The following TAF1 variants were observed in gnomAD, a reference collection of about 807,000 sequenced individuals.
TAF1 encodes the protein transcription initiation factor TFIID subunit 1.
Under a neutral mutation model 138.5 loss-of-function variants are expected in TAF1, and 2 were observed. The observed-to-expected ratio is 0.01, with a 90% CI of 0.01 to 0.05. The LOEUF (loss-of-function observed/expected upper bound fraction) is 0.05. TAF1 is among the 10% of genes least tolerant of loss of function. The pLI, the probability that TAF1 is intolerant of heterozygous loss-of-function variation, is 1.00. For synonymous variants in TAF1, 437 were observed against 503.2 expected (o/e 0.87, Z 1.76); for missense variants, 709 against 1,478.0 (o/e 0.48, Z 8.53).
chrX:71,423,061 A>T lies in TAF1; in HGVS notation c.4453-56A>T, dbSNP rs757802625. ...CCGGCAAATTGTCCTTAACTTTTCT[A>T]TGGTGATCACACCTTAGGGAAACCT... On this transcript the variant is annotated intron_variant, in intron 29 of 37. Transcript: ENST00000423759. The T allele has an allele frequency of 1.8e-5, 21 of 1,199,837 alleles. No individual in the cohort carries two copies. The East Asian group carries it at 6.0e-4, about 34-fold the overall frequency.
At chrX:71,488,467 A>T (rs1171774918) in intron 13 of TAF1, among the ~76,000 whole-genome samples, 1 of 106,230 alleles carries the variant, frequency 9.4e-6, no homozygotes, top group Non-Finnish European at 1.9e-5. Context: ...CTGGTCTCGA[A>T]CTCCTGACCT....
At chrX:71,502,144 T>C (rs2039521202) in intron 13 of TAF1, among the ~76,000 whole-genome samples, 1 of 111,803 alleles carries the variant, frequency 8.9e-6, no homozygotes, top group South Asian at 3.8e-4. Flanking sequence ...ATCCCCTTAT[T>C]TGTCCCTGCC....
chrX:71,435,591 A>T (rs1602664024), intron 32 of TAF1, among the ~76,000 whole-genome samples: 2 of 111,964 alleles, frequency 1.8e-5, no homozygotes, highest in Admixed American at 1.9e-4. Flanking sequence ...TCTTACAAGG[A>T]TCATACAATC....
intron 21 of TAF1, 127 bp downstream of exon 21, chrX:71,393,603 A>C (rs1478175965): frequency 1.1e-6 from 1 of 923,776 alleles, no homozygotes. Context: ...CTGACATGTC[A>C]GGGTAGTATA....
intron 13 of TAF1, chrX:71,492,009 C>T (rs944202717): frequency 3.5e-5 from 4 of 112,806 alleles, no homozygotes; most frequent in African/African-American, 1.3e-4. Context: ...CTTCCTGCAC[C>T]TCAGCAAAGG....
chrX:71,451,523 C>T (rs377568712), intron 32 of TAF1, among the ~76,000 whole-genome samples: 36 of 94,154 alleles, frequency 3.8e-4, no homozygotes, highest in East Asian at 2.6e-3. Flanking sequence ...GGGTGTTTCT[C>T]GTAGAGGGGG....
chrX:71,410,454 C>CTTT (rs57027102), intron 28 of TAF1, among the ~76,000 whole-genome samples: 50 of 70,609 alleles, frequency 7.1e-4, no homozygotes, highest in African/African-American at 1.2e-3. Context: ...TTTCTTTTTT[C>CTTT]TTTTTTTTTT....
chrX:71,466,669 C>T (rs1378708243), downstream of TAF1, among the ~76,000 whole-genome samples: 1 of 111,486 alleles, frequency 9.0e-6, no homozygotes, highest in Non-Finnish European at 1.9e-5. Flanking sequence ...TGAGCCACCG[C>T]GCCCAGCCAA....
intron 22 of TAF1, 86 bp downstream of exon 22, chrX:71,394,331 T>A: frequency 7.5e-3 from 5,058 of 673,323 alleles, no homozygotes; most frequent in Non-Finnish European, 0.01. Flanking sequence ...TTGAGGGAGA[T>A]CTGGAGGCAG....
At chrX:71,419,018 C>T (rs1159112391) in intron 28 of TAF1, among the ~76,000 whole-genome samples, 3 of 111,170 alleles carry the variant, frequency 2.7e-5, no homozygotes, top group Non-Finnish European at 3.8e-5. Context: ...CCGCCTGCCT[C>T]GGCCTCCCAA....
chrX:71,443,380 G>C (rs758130099), intron 32 of TAF1, among the ~76,000 whole-genome samples: 32 of 111,430 alleles, frequency 2.9e-4, no homozygotes, highest in South Asian at 1.5e-3. Context: ...CCTTCACATC[G>C]CTTGTAAGTT....
chrX:71,375,382 T>C (rs946416152), intron 4 of TAF1, 96 bp downstream of exon 4: 3 of 1,032,250 alleles, frequency 2.9e-6, no homozygotes, highest in Non-Finnish European at 2.5e-6. Flanking sequence ...TAAGCTTATA[T>C]GAAGGGACAA....
chrX:71,420,186 TTGG>T (rs1277623097), intron 28 of TAF1: 3 of 557,784 alleles, frequency 5.4e-6, no homozygotes, highest in Non-Finnish European at 9.4e-6. Flanking sequence ...ACTGCTGTAG[TTGG>T]TGGTCCGGGC....
At chrX:71,367,432 A>G in intron 1 of TAF1, 67 bp from the exon 2 acceptor site, 1 of 1,142,118 alleles carries the variant, frequency 8.8e-7, no homozygotes, top group Non-Finnish European at 1.2e-6. Context: ...GACCAGGGAA[A>G]TAAGTCCTGT....
chrX:71,530,133 A>G (rs2040075707), exon 15 of TAF1: 1 of 147,085 alleles, frequency 6.8e-6, no homozygotes, highest in African/African-American at 3.2e-5. Flanking sequence ...CACATTCACT[A>G]GTTAGTGATG....
chrX:71,493,264 C>T (rs2039332225), intron 13 of TAF1, among the ~76,000 whole-genome samples: 1 of 111,719 alleles, frequency 9.0e-6, no homozygotes, highest in Non-Finnish European at 1.9e-5. Context: ...CCGCCCGCCT[C>T]GGACTTCCAA....
At chrX:71,507,704 C>A (rs1265993470) in intron 13 of TAF1, among the ~76,000 whole-genome samples, 1 of 111,630 alleles carries the variant, frequency 9.0e-6, no homozygotes, top group Non-Finnish European at 1.9e-5. Context: ...ATCCTCCCAC[C>A]TCAGCCTCCC....
intron 32 of TAF1, among the ~76,000 whole-genome samples, chrX:71,426,566 T>C (rs2036599874): frequency 9.0e-6 from 1 of 110,529 alleles, no homozygotes; most frequent in African/African-American, 3.3e-5. Context: ...AAGTACAAAA[T>C]TAGCTGGGCA....
intron 13 of TAF1, among the ~76,000 whole-genome samples, chrX:71,499,022 C>T (rs1376954852): frequency 1.8e-5 from 2 of 111,386 alleles, no homozygotes; most frequent in Non-Finnish European, 3.8e-5. Flanking sequence ...CATGAGCTGG[C>T]GTTTGCCCCA....
Sources: allele counts gnomAD v4.1 joint callset (sites outside exome capture counted in the v4.1 genomes callset), GRCh38; gene constraint gnomAD v4.1.1; transcripts MANE v1.5; gene names NCBI Gene and HGNC (gene_info 2026-07-23, HGNC 2026-07-21).